MALRD1: variants seen among roughly 807,000 people sequenced by gnomAD.
The protein encoded by MALRD1 is MAM and LDL receptor class A domain containing 1.
Under a neutral mutation model 242.1 loss-of-function variants are expected in MALRD1, and 247 were observed. The observed-to-expected ratio is 1.02, with a 90% CI of 0.92 to 1.13. The LOEUF (loss-of-function observed/expected upper bound fraction) is 1.13, where lower values mean the gene tolerates loss of function less well. Ranked by LOEUF, MALRD1 falls within the 50% of genes most tolerant of loss-of-function variation. The pLI is 0.00. For synonymous variants in MALRD1, 995 were observed against 866.6 expected, an observed-to-expected ratio of 1.15 and a Z score of -2.60; for missense variants, 2,989 against 2,533.1, an observed-to-expected ratio of 1.18 and a Z score of -3.86.
At position 19,104,073 on chromosome 10, in the gene MALRD1, A is replaced by G. The variant is rs1836378056; in HGVS notation, c.692A>G (p.Asn231Ser). 8.1e-7 allele frequency: 1 copy of G among 1,230,068 alleles called. No homozygotes were observed. The highest frequency in any genetic ancestry group is 1.0e-6 in the Non-Finnish European group (1 of 984,802). 76.2% of individuals were successfully genotyped at this position (1,230,068 alleles called of 1,614,324 possible). ...ISFSSGCLPA[N>S]DGILLCQEAL... ...TTCAGTTCAGGCTGCTTGCCTGCCAATGGTAAGAACTTTTTCTCTCATTTT... is the reference window on the plus strand; with the variant it reads ...TTCAGTTCAGGCTGCTTGCCTGCCAGTGGTAAGAACTTTTTCTCTCATTTT... The change falls in exon 5 of 40, where the codon AAT becomes AGT. Residue 231 changes from asparagine to serine, a missense_variant and splice_region_variant. Physicochemically the swap from Asn to Ser is conservative, Grantham distance 46. Coordinates refer to ENST00000454679, the MANE Select transcript of MALRD1 (RefSeq NM_001142308.3).
intron 19 of MALRD1, among the ~76,000 whole-genome samples, chr10:19,273,534 T>TA (rs1840357523): frequency 6.6e-6 from 1 of 152,152 alleles, no homozygotes; most frequent in South Asian, 2.1e-4. Context: ...CACATCCAGA[T>TA]AAAAATATTA....
At chr10:19,417,035 C>A (rs1833537563) in intron 28 of MALRD1, among the ~76,000 whole-genome samples, 1 of 152,162 alleles carries the variant, frequency 6.6e-6, no homozygotes, top group South Asian at 2.1e-4. Flanking sequence ...TTCTTGGAAG[C>A]CCTTTCTCTT....
chr10:19,560,799 C>G (rs1835930874), intron 32 of MALRD1, among the ~76,000 whole-genome samples: 1 of 151,810 alleles, frequency 6.6e-6, no homozygotes, highest in East Asian at 2.0e-4. Flanking sequence ...ACATCACACA[C>G]TGGGGCCTGT....
At chr10:19,461,916 G>A (rs1032787714) in intron 29 of MALRD1, among the ~76,000 whole-genome samples, 4 of 152,078 alleles carry the variant, frequency 2.6e-5, no homozygotes, top group Admixed American at 6.6e-5. Flanking sequence ...ACATGACTCC[G>A]GGGAATACAC....
At chr10:19,125,015 G>T (rs185196906) in intron 7 of MALRD1, among the ~76,000 whole-genome samples, 1 of 111,714 alleles carries the variant, frequency 9.0e-6, no homozygotes, top group African/African-American at 3.5e-5. Flanking sequence ...GTGAGATCTC[G>T]GCCCACTGCA....
intron 13 of MALRD1, among the ~76,000 whole-genome samples, chr10:19,169,725 A>C (rs1834841953): frequency 2.6e-5 from 4 of 152,210 alleles, no homozygotes; most frequent in Admixed American, 2.6e-4. Context: ...ACAAATGAAA[A>C]AGATATTCTA....
At chr10:19,684,641 G>A (rs981419614) in intron 36 of MALRD1, among the ~76,000 whole-genome samples, 1 of 152,118 alleles carries the variant, frequency 6.6e-6, no homozygotes, top group Non-Finnish European at 1.5e-5. Context: ...AGTCTCAGCT[G>A]CTCAGAAGGC....
chr10:19,422,597 G>A (rs1313062149), intron 28 of MALRD1, among the ~76,000 whole-genome samples: 1 of 152,092 alleles, frequency 6.6e-6, no homozygotes, highest in Non-Finnish European at 1.5e-5. Flanking sequence ...AATGAGAATT[G>A]CATTTTTATA....
intron 26 of MALRD1, among the ~76,000 whole-genome samples, chr10:19,363,008 A>G (rs1310360616): frequency 6.6e-6 from 1 of 152,052 alleles, no homozygotes; most frequent in Non-Finnish European, 1.5e-5. Context: ...AGACTGTGGG[A>G]GGAGCAGATT....
At chr10:19,541,096 A>G (rs996604112) in intron 32 of MALRD1, among the ~76,000 whole-genome samples, 1 of 152,204 alleles carries the variant, frequency 6.6e-6, no homozygotes, top group Admixed American at 6.5e-5. Flanking sequence ...CAATCTTATT[A>G]TGAAAGTTAT....
rs554636181 is a variant in MALRD1, at chr10:19,353,926, A to AT, written c.4441+1630dup. 2.8e-4 allele frequency among the ~76,000 whole-genome samples: 43 copies of AT among 151,962 alleles called. No homozygotes were observed. The East Asian group carries it at 8.3e-3, about 30-fold the overall frequency. On this transcript the variant is annotated intron_variant, in intron 26 of 39. Coordinates refer to ENST00000454679, the MANE Select transcript of MALRD1 (RefSeq NM_001142308.3). ...TTTTTGGTAGAGATGAGTTTTCGTT[A>AT]TGTTGGCCAGGCTGGTCTGAAACTC...
At chr10:19,662,945 A>G (rs1032327814) in intron 36 of MALRD1, among the ~76,000 whole-genome samples, 2 of 152,152 alleles carry the variant, frequency 1.3e-5, no homozygotes, top group Non-Finnish European at 2.9e-5. Flanking sequence ...ACCCTCAGAA[A>G]AGGAGTATAC....
At chr10:19,715,007 G>C (rs553910117) in intron 38 of MALRD1, among the ~76,000 whole-genome samples, 1 of 152,244 alleles carries the variant, frequency 6.6e-6, no homozygotes, top group South Asian at 2.1e-4. Context: ...TTAACATTTT[G>C]ATGTATCTTC....
In MALRD1 at chr10:19,243,063, C is replaced by CT. The variant is rs369350269; in HGVS notation, c.2992-14609dup. 3.7e-3 allele frequency among the ~76,000 whole-genome samples: 498 copies of CT among 135,986 alleles called. 4 individuals carry two copies. Among genetic ancestry groups the CT allele is most frequent in the East Asian group, 0.017 (82 of 4,850 alleles). The allele number at this position is 135,986 out of a possible 152,430, so 89.2% of individuals were successfully genotyped here. Reference sequence around the variant, plus strand: ...TGGTGCTAAGCTTTGTTTCTTTTCCCTTTTTTTTTTTTGTGTGTGTATCCG... The same window carrying CT: ...TGGTGCTAAGCTTTGTTTCTTTTCCCTTTTTTTTTTTTTGTGTGTGTATCCG... On this transcript the variant is annotated intron_variant, in intron 18 of 39. Coordinates refer to ENST00000454679, the MANE Select transcript of MALRD1 (RefSeq NM_001142308.3).
intron 30 of MALRD1, among the ~76,000 whole-genome samples, chr10:19,493,703 A>G (rs1202847285): frequency 6.6e-6 from 1 of 151,610 alleles, no homozygotes; most frequent in African/African-American, 2.4e-5. Flanking sequence ...AATCCCAGCC[A>G]CTTGGGAGGC....
At chr10:19,541,822 G>A (rs1343817360) in intron 32 of MALRD1, among the ~76,000 whole-genome samples, 2 of 152,120 alleles carry the variant, frequency 1.3e-5, no homozygotes, top group Admixed American at 6.5e-5. Context: ...TGAGAGCTGC[G>A]CCAGAGTAAA....
intron 1 of MALRD1, among the ~76,000 whole-genome samples, chr10:19,053,482 C>A (rs560707537): frequency 6.6e-6 from 1 of 152,134 alleles, no homozygotes; most frequent in South Asian, 2.1e-4. Flanking sequence ...CCGAAATTGG[C>A]GGGCTTGACC....
At chr10:19,634,817 A>AAAC (rs766617425) in intron 36 of MALRD1, among the ~76,000 whole-genome samples, 7 of 152,202 alleles carry the variant, frequency 4.6e-5, no homozygotes, top group Admixed American at 2.6e-4. Flanking sequence ...CCTATTTGAA[A>AAAC]AACAACAACA....
intron 31 of MALRD1, among the ~76,000 whole-genome samples, chr10:19,528,571 G>T (rs1375387193): frequency 6.6e-6 from 1 of 152,034 alleles, no homozygotes; most frequent in Non-Finnish European, 1.5e-5. Context: ...CCAGCCTGGC[G>T]ACAGAGCAAG....
Sources: allele counts gnomAD v4.1 joint callset (sites outside exome capture counted in the v4.1 genomes callset), GRCh38; gene constraint gnomAD v4.1.1; transcripts MANE v1.5; gene names NCBI Gene and HGNC (gene_info 2026-07-23, HGNC 2026-07-21).